TMEM132D: variants seen among roughly 807,000 people sequenced by gnomAD.
The protein encoded by TMEM132D is transmembrane protein 132D.
A neutral mutation model predicts 62.3 loss-of-function variants in TMEM132D; 21 were observed. The observed-to-expected ratio is 0.34, with a 90% confidence interval of 0.24 to 0.49. The LOEUF (loss-of-function observed/expected upper bound fraction) is 0.49, where lower values mean the gene tolerates loss of function less well. Among genes scored for constraint, TMEM132D ranks in the 20% least tolerant of loss-of-function variants. The pLI is 0.99. For missense variants in TMEM132D, 1,346 were observed against 1,402.8 expected (o/e 0.96, Z 0.65); for synonymous variants, 621 against 575.6 (o/e 1.08, Z -1.13).
intron 4 of TMEM132D, among the ~76,000 whole-genome samples, chr12:129,316,455 A>C: frequency 6.6e-6 from 1 of 152,064 alleles, no homozygotes; most frequent in Non-Finnish European, 1.5e-5. Flanking sequence ...TGCCTGGTTT[A>C]GTAGGTTTCT....
intron 3 of TMEM132D, among the ~76,000 whole-genome samples, chr12:129,527,142 C>A (rs1876071199): frequency 6.6e-6 from 1 of 152,082 alleles, no homozygotes; most frequent in Non-Finnish European, 1.5e-5. Context: ...AACCCCACCT[C>A]TACTATATAT....
intron 2 of TMEM132D, among the ~76,000 whole-genome samples, chr12:129,602,118 G>A (rs529292124): frequency 6.6e-6 from 1 of 152,178 alleles, no homozygotes; most frequent in African/African-American, 2.4e-5. Context: ...GTTTAGCAAA[G>A]ATATGGTTCT....
chr12:129,745,535 C>G (rs1413010538), intron 1 of TMEM132D, among the ~76,000 whole-genome samples: 1 of 152,114 alleles, frequency 6.6e-6, no homozygotes, highest in Non-Finnish European at 1.5e-5. Context: ...ATTCAACCCC[C>G]CTCTATCTCT....
chr12:129,854,586 A>G (rs1340835720), intron 1 of TMEM132D: 1 of 152,246 alleles, frequency 6.6e-6, no homozygotes, highest in Non-Finnish European at 1.5e-5. Context: ...CAACATTGCA[A>G]TGAGAACGGC....
At chr12:129,174,371 T>A (rs1877838186) in intron 5 of TMEM132D, among the ~76,000 whole-genome samples, 1 of 152,214 alleles carries the variant, frequency 6.6e-6, no homozygotes, top group African/African-American at 2.4e-5. Context: ...GGATGATGGT[T>A]TCCAGCTTCA....
chr12:129,838,490 T>C (rs1873076368), intron 1 of TMEM132D, among the ~76,000 whole-genome samples: 1 of 152,116 alleles, frequency 6.6e-6, no homozygotes, highest in Admixed American at 6.5e-5. Flanking sequence ...AAATTTTAGA[T>C]TGCCTAACCC....
rs540786652 is a variant in TMEM132D at position 129,531,134 on chromosome 12, T to C, written c.1040A>G (p.Glu347Gly). Residue 347 changes from glutamate (E) to glycine (G), a missense_variant, in exon 3 of 9, where the codon GAG becomes GGG. Transcript: ENST00000422113. Reference sequence around the variant, plus strand: ...ATACTTTCCAGTATAATCCGTGCGCTCCTTGACATCCCAAATGGAAGGGCT... The same window carrying C: ...ATACTTTCCAGTATAATCCGTGCGCCCCTTGACATCCCAAATGGAAGGGCT... Reference protein sequence around the residue: ...ASSPSIWDVKERTDYTGKYAP... With the variant: ...ASSPSIWDVKGRTDYTGKYAP... The C allele has an allele frequency of 1.2e-6, 2 of 1,613,928 alleles. No homozygotes were observed. Among genetic ancestry groups the C allele is most frequent in the African/African-American group, 1.3e-5 (1 of 74,932 alleles).
chr12:129,736,929 T>G (rs1372430016), intron 1 of TMEM132D, among the ~76,000 whole-genome samples: 1 of 151,338 alleles, frequency 6.6e-6, no homozygotes, highest in Non-Finnish European at 1.5e-5. Context: ...GCGATTCTCC[T>G]GCCTCAGCCT....
intron 1 of TMEM132D, among the ~76,000 whole-genome samples, chr12:129,845,479 T>C (rs1307017262): frequency 6.6e-6 from 1 of 152,216 alleles, no homozygotes; most frequent in Non-Finnish European, 1.5e-5. Flanking sequence ...GGGCCACGCT[T>C]GCAATACTAT....
intron 3 of TMEM132D, among the ~76,000 whole-genome samples, chr12:129,434,658 A>C (rs1050113121): frequency 6.8e-6 from 1 of 147,122 alleles, no homozygotes; most frequent in African/African-American, 2.4e-5. Context: ...TTAAAGTTGT[A>C]GTTTTTTTTT....
chr12:129,182,945 G>A (rs900593617), intron 5 of TMEM132D, among the ~76,000 whole-genome samples: 1 of 152,156 alleles, frequency 6.6e-6, no homozygotes, highest in African/African-American at 2.4e-5. Context: ...ATGGGGTGGT[G>A]GTTAGGTTAC....
At chr12:129,289,214 G>T (rs1367702459) in intron 4 of TMEM132D, among the ~76,000 whole-genome samples, 3 of 152,132 alleles carry the variant, frequency 2.0e-5, no homozygotes, top group Non-Finnish European at 4.4e-5. Context: ...GGAATGTATT[G>T]TGTACTTGAG....
intron 1 of TMEM132D, among the ~76,000 whole-genome samples, chr12:129,816,133 C>CA (rs11427052): frequency 0.98 from 149,217 of 152,310 alleles, 73,169 homozygotes; most frequent in East Asian, 1. Context: ...CAAGTAGAGT[C>CA]GGGGTGTAAA....
intron 1 of TMEM132D, among the ~76,000 whole-genome samples, chr12:129,841,098 G>A (rs1041014602): frequency 4.6e-5 from 7 of 152,066 alleles, no homozygotes; most frequent in Non-Finnish European, 1.0e-4. Flanking sequence ...GCATAAACAC[G>A]CAGAGTTAAC....
rs1555223112 is a variant in TMEM132D at position 129,638,566 on chromosome 12, C to CATATAAATTATATATAA, written c.968+61243_968+61244insTTATATATAATTTATAT. On this transcript the variant is annotated intron_variant, in intron 2 of 8. Transcript: ENST00000422113. ...ATATAAACATATATAAATATATAAA[C>CATATAAATTATATATAA]ATATATAAATTATATATAAATATAT... Among the ~76,000 whole-genome samples, 114 of 109,730 alleles carry CATATAAATTATATATAA rather than the reference C, an allele frequency of 1.0e-3. No individual in the cohort carries two copies. The East Asian group carries it at 0.024, about 23-fold the overall frequency. 72.0% of individuals were successfully genotyped at this position (109,730 alleles called of 152,430 possible). A position where few individuals can be genotyped will look rare whatever the true frequency, so the allele number is the denominator to read the frequency against.
chr12:129,744,921 A>G (rs1869728045), intron 1 of TMEM132D, among the ~76,000 whole-genome samples: 1 of 152,150 alleles, frequency 6.6e-6, no homozygotes, highest in South Asian at 2.1e-4. Flanking sequence ...GTCAAGGGAG[A>G]GACCAGGTGG....
chr12:129,397,441 G>A (rs1224378537), intron 3 of TMEM132D, among the ~76,000 whole-genome samples: 2 of 152,072 alleles, frequency 1.3e-5, no homozygotes, highest in East Asian at 1.9e-4. Context: ...ACTTTCTGAC[G>A]AACACCGTAA....
chr12:129,652,381 C>A (rs1355994286), intron 2 of TMEM132D, among the ~76,000 whole-genome samples: 2 of 152,158 alleles, frequency 1.3e-5, no homozygotes, highest in Non-Finnish European at 2.9e-5. Flanking sequence ...ACATCCTAAG[C>A]CCTGGAACCT....
intron 1 of TMEM132D, among the ~76,000 whole-genome samples, chr12:129,829,818 A>C (rs757867260): frequency 2.0e-5 from 3 of 152,180 alleles, no homozygotes; most frequent in Non-Finnish European, 2.9e-5. Context: ...AGCAAAAAAT[A>C]AGGGTGTCTT....
Sources: allele counts gnomAD v4.1 joint callset (sites outside exome capture counted in the v4.1 genomes callset), GRCh38; gene constraint gnomAD v4.1.1; transcripts MANE v1.5; gene names NCBI Gene and HGNC (gene_info 2026-07-23, HGNC 2026-07-21).